Variants in STIM1 observed in about 807,000 individuals in gnomAD.
STIM1 encodes stromal interaction molecule 1.
Under a neutral mutation model 74.7 loss-of-function variants are expected in STIM1, and 25 were observed. The observed-to-expected ratio is 0.33, with a 90% confidence interval of 0.24 to 0.47. The LOEUF is 0.47. STIM1 is among the 20% of genes least tolerant of loss of function. The probability of loss-of-function intolerance (pLI) is 1.00; values close to 1 mark genes in which losing one functional copy is unlikely to be tolerated. For missense variants in STIM1, 728 were observed against 920.8 expected (o/e 0.79, Z 2.71); for synonymous variants, 328 against 348.8 (o/e 0.94, Z 0.66).
Position 3,920,634 on chromosome 11 carries a change from C to T in STIM1, c.140-46918C>T, listed in dbSNP as rs564133567. 5.9e-5 allele frequency among the ~76,000 whole-genome samples: 9 copies of T among 152,236 alleles called. No homozygotes were observed. In the East Asian group the frequency reaches 1.7e-3, roughly 29 times the overall value. On this transcript the variant is annotated intron_variant, in intron 1 of 12. Transcript: ENST00000526596. The stretch of plus-strand genomic sequence containing the variant: ...TTAAAGATAGCACCCATACTGGATA[C>T]TTGACCTGTTGAATAAGAGGTGTCA...
intron 1 of STIM1, chr11:3,892,749 C>T (rs907643697): frequency 1.9e-6 from 3 of 1,613,126 alleles, no homozygotes; most frequent in African/African-American, 1.3e-5. Flanking sequence ...CCCTTATAAC[C>T]AAATCCTTTC....
At chr11:3,881,823 C>T (rs755387134) in intron 1 of STIM1, among the ~76,000 whole-genome samples, 1 of 151,940 alleles carries the variant, frequency 6.6e-6, no homozygotes, top group Non-Finnish European at 1.5e-5. Flanking sequence ...CAGGCATGTA[C>T]TACCACACCT....
At chr11:3,871,488 C>G (rs1181211649) in intron 1 of STIM1, among the ~76,000 whole-genome samples, 2 of 152,120 alleles carry the variant, frequency 1.3e-5, no homozygotes, top group Admixed American at 6.5e-5. Context: ...TATGTCAGCT[C>G]TGTGTCATGG....
chr11:4,001,928 G>C (rs1456151327), intron 2 of STIM1, among the ~76,000 whole-genome samples: 2 of 135,530 alleles, frequency 1.5e-5, no homozygotes, highest in African/African-American at 2.8e-5. Context: ...AAAGGCAGGG[G>C]TTGCAATCCT....
intron 7 of STIM1, among the ~76,000 whole-genome samples, chr11:4,081,959 A>G (rs552807359): frequency 1.3e-5 from 2 of 152,364 alleles, no homozygotes; most frequent in South Asian, 4.1e-4. Context: ...CTGGGAACAG[A>G]AACATCTCAA....
At chr11:3,979,688 C>T (rs897095785) in intron 2 of STIM1, among the ~76,000 whole-genome samples, 2 of 152,218 alleles carry the variant, frequency 1.3e-5, no homozygotes, top group African/African-American at 4.8e-5. Context: ...AACCCCTCAC[C>T]TCAGCCTCCC....
chr11:3,969,139 TC>T (rs1187809035), intron 2 of STIM1, among the ~76,000 whole-genome samples: 2 of 152,206 alleles, frequency 1.3e-5, no homozygotes, highest in Non-Finnish European at 2.9e-5. Flanking sequence ...AGAAGAGGCT[TC>T]CTTGGTAGAC....
At chr11:3,991,055 C>A (rs932806611) in intron 2 of STIM1, among the ~76,000 whole-genome samples, 1 of 152,020 alleles carries the variant, frequency 6.6e-6, no homozygotes, top group African/African-American at 2.4e-5. Flanking sequence ...TGAGAACATG[C>A]AATATCTGGT....
chr11:4,086,703 C>T (rs750861303), intron 12 of STIM1, 160 bp downstream of exon 12: 3 of 1,538,804 alleles, frequency 1.9e-6, no homozygotes, highest in East Asian at 4.9e-5. Flanking sequence ...TCACCACCAT[C>T]ACCACTACCA....
intron 2 of STIM1, among the ~76,000 whole-genome samples, chr11:4,023,202 A>G (rs1054942534): frequency 1.3e-5 from 2 of 152,090 alleles, no homozygotes. Flanking sequence ...GGTGGCACAC[A>G]CCTGTAATCC....
At chr11:3,883,425 G>C (rs1167256740) in intron 1 of STIM1, among the ~76,000 whole-genome samples, 1 of 152,134 alleles carries the variant, frequency 6.6e-6, no homozygotes, top group East Asian at 1.9e-4. Context: ...GCATGATCTT[G>C]GCTCACTGCA....
chr11:3,918,982 G>C (rs1201932358), intron 1 of STIM1, among the ~76,000 whole-genome samples: 2 of 152,146 alleles, frequency 1.3e-5, no homozygotes, highest in Non-Finnish European at 2.9e-5. Flanking sequence ...GACAGGGGAG[G>C]GAAGGAGAGG....
intron 3 of STIM1, among the ~76,000 whole-genome samples, chr11:4,036,780 A>C (rs2094106688): frequency 6.6e-6 from 1 of 152,200 alleles, no homozygotes; most frequent in Non-Finnish European, 1.5e-5. Context: ...GATAGATTGC[A>C]AACATTTTCT....
intron 2 of STIM1, among the ~76,000 whole-genome samples, chr11:4,001,026 A>T (rs578253091): frequency 6.8e-4 from 104 of 152,350 alleles, no homozygotes; most frequent in African/African-American, 2.5e-3. Context: ...CGAGAAGGGA[A>T]GTTTAGAGAA....
intron 3 of STIM1, among the ~76,000 whole-genome samples, chr11:4,051,416 C>T (rs2094240303): frequency 6.7e-6 from 1 of 150,332 alleles, no homozygotes; most frequent in Non-Finnish European, 1.5e-5. Flanking sequence ...AATCTCGGCT[C>T]ACTGCAACCT....
At chr11:4,000,911 G>A (rs1252255431) in intron 2 of STIM1, among the ~76,000 whole-genome samples, 4 of 152,310 alleles carry the variant, frequency 2.6e-5, no homozygotes, top group African/African-American at 2.4e-5. Flanking sequence ...GGAGCTGAAA[G>A]CCAAGGCTCG....
chr11:4,057,897 C>G (rs1277302297), intron 4 of STIM1, among the ~76,000 whole-genome samples: 1 of 151,314 alleles, frequency 6.6e-6, no homozygotes, highest in Non-Finnish European at 1.5e-5. Flanking sequence ...GAAAGTGACA[C>G]TAATAATGGA....
intron 11 of STIM1, chr11:4,086,273 A>G (rs1363139813): frequency 4.8e-6 from 3 of 618,718 alleles, no homozygotes; most frequent in East Asian, 5.5e-5. Context: ...AATTGCCACT[A>G]AAACTGACCT....
intron 7 of STIM1, among the ~76,000 whole-genome samples, chr11:4,077,346 A>G (rs1281008272): frequency 6.6e-6 from 1 of 152,032 alleles, no homozygotes; most frequent in African/African-American, 2.4e-5. Flanking sequence ...AATTTAATAT[A>G]TAACAGCCCT....
Sources: gnomAD v4.1 joint callset for allele counts (sites outside exome capture counted in the v4.1 genomes callset) on GRCh38, gnomAD v4.1.1 for gene constraint, MANE v1.5 for transcripts, NCBI Gene and HGNC (gene_info 2026-07-23, HGNC 2026-07-21) for gene names.